Variants in PCBD2 observed in about 807,000 individuals in gnomAD.
PCBD2 encodes pterin-4 alpha-carbinolamine dehydratase 2.
Under a neutral mutation model 16.4 loss-of-function variants are expected in PCBD2, and 12 were observed. The observed-to-expected ratio is 0.73, with a 90% confidence interval of 0.47 to 1.19. PCBD2 has a LOEUF of 1.19. PCBD2 is among the 50% of genes most tolerant of loss of function. The pLI is 0.00. For synonymous variants in PCBD2, 58 were observed against 61.8 expected (o/e 0.94, Z 0.29); for missense variants, 138 against 156.8 (o/e 0.88, Z 0.64).
intron 1 of PCBD2, among the ~76,000 whole-genome samples, chr5:134,908,460 T>C (rs1750725518): frequency 6.6e-6 from 1 of 151,718 alleles, no homozygotes; most frequent in South Asian, 2.1e-4. Flanking sequence ...AGGTCAGGAG[T>C]TTGCAACTAG....
intron 3 of PCBD2, among the ~76,000 whole-genome samples, chr5:134,959,373 C>A (rs1266531869): frequency 6.6e-6 from 1 of 152,104 alleles, no homozygotes; most frequent in Non-Finnish European, 1.5e-5. Context: ...AAATGAGGCT[C>A]CTGAATTAAA....
chr5:134,924,203 TG>T (rs1561908993), intron 2 of PCBD2: 1 of 396,182 alleles, frequency 2.5e-6, no homozygotes, highest in Non-Finnish European at 4.5e-6. Flanking sequence ...CTCCTATTTA[TG>T]GGGGTTTAGT....
chr5:134,951,864 G>A (rs1385161197), intron 2 of PCBD2, among the ~76,000 whole-genome samples: 2 of 152,076 alleles, frequency 1.3e-5, no homozygotes, highest in African/African-American at 4.8e-5. Flanking sequence ...TGCTAAGGAA[G>A]TATATACTGC....
intron 2 of PCBD2, among the ~76,000 whole-genome samples, chr5:134,918,967 A>G (rs570736649): frequency 9.8e-5 from 15 of 152,360 alleles, no homozygotes; most frequent in Non-Finnish European, 1.5e-4. Flanking sequence ...GTAAAAGCGC[A>G]TGCAACAGAT....
At chr5:134,932,306 T>C (rs1211931908) in intron 2 of PCBD2, among the ~76,000 whole-genome samples, 3 of 151,106 alleles carry the variant, frequency 2.0e-5, no homozygotes, top group African/African-American at 7.3e-5. Context: ...GCCTCCTGAG[T>C]AGCTGGGACT....
At chr5:134,936,303 C>T (rs754046029) in intron 2 of PCBD2, among the ~76,000 whole-genome samples, 1 of 152,138 alleles carries the variant, frequency 6.6e-6, no homozygotes, top group Non-Finnish European at 1.5e-5. Flanking sequence ...TGCCCAGCCC[C>T]GGCCTCTCAC....
intron 2 of PCBD2, among the ~76,000 whole-genome samples, chr5:134,935,502 A>G (rs965101703): frequency 5.9e-5 from 9 of 152,224 alleles, no homozygotes; most frequent in Admixed American, 5.9e-4. Flanking sequence ...ACTTTCCAGC[A>G]TTTATGAATG....
At chr5:134,919,815 A>G (rs1478012799) in intron 2 of PCBD2, among the ~76,000 whole-genome samples, 2 of 152,186 alleles carry the variant, frequency 1.3e-5, no homozygotes, top group African/African-American at 4.8e-5. Context: ...TTTCGTTAGT[A>G]TGCCTGCCCA....
intron 2 of PCBD2, among the ~76,000 whole-genome samples, chr5:134,942,130 CAA>C (rs397882223): frequency 1.9e-4 from 16 of 82,278 alleles, no homozygotes; most frequent in Admixed American, 1.5e-4. Context: ...GGCTCTGTCT[CAA>C]AAAAAAAAAA....
intron 2 of PCBD2, among the ~76,000 whole-genome samples, chr5:134,917,913 A>G (rs1750852765): frequency 6.6e-6 from 1 of 152,216 alleles, no homozygotes; most frequent in Non-Finnish European, 1.5e-5. Context: ...GAGGAATTTG[A>G]TAATAGGCTT....
At chr5:134,937,959 T>C (rs370453678) in intron 2 of PCBD2, among the ~76,000 whole-genome samples, 35 of 152,330 alleles carry the variant, frequency 2.3e-4, no homozygotes, top group East Asian at 2.1e-3. Flanking sequence ...TTTCATTTCA[T>C]TGGGCTTGGA....
intron 2 of PCBD2, among the ~76,000 whole-genome samples, chr5:134,934,649 C>T (rs1751137841): frequency 6.6e-6 from 1 of 152,226 alleles, no homozygotes; most frequent in Admixed American, 6.5e-5. Flanking sequence ...TAACCTACAA[C>T]TGCAGAGTTA....
intron 2 of PCBD2, among the ~76,000 whole-genome samples, chr5:134,957,239 G>C (rs545726227): frequency 6.6e-6 from 1 of 151,938 alleles, no homozygotes; most frequent in South Asian, 2.1e-4. Flanking sequence ...AGCCTGGGCA[G>C]CAGAGTGAGA....
At chr5:134,911,807 T>C (rs1197740663) in intron 2 of PCBD2, among the ~76,000 whole-genome samples, 1 of 152,234 alleles carries the variant, frequency 6.6e-6, no homozygotes. Context: ...GCAGACTCCC[T>C]GTCCCCGCTG....
At chr5:134,906,671 G>A (rs1460422585) in intron 1 of PCBD2, among the ~76,000 whole-genome samples, 2 of 152,118 alleles carry the variant, frequency 1.3e-5, no homozygotes, top group Non-Finnish European at 2.9e-5. Context: ...TGATTTGAGC[G>A]CTGCCCCATG....
chr5:134,941,986 C>T lies in PCBD2; in HGVS notation c.217-17054C>T, dbSNP rs377264547. 3.2e-3 allele frequency among the ~76,000 whole-genome samples: 490 copies of T among 150,808 alleles called. 3 individuals carry two copies. The highest frequency in any genetic ancestry group is 0.01 in the African/African-American group (415 of 40,996). On this transcript the variant is annotated intron_variant, in intron 2 of 3. Coordinates refer to ENST00000254908, the MANE Select transcript of PCBD2 (RefSeq NM_032151.5). ...GTACCAAAAAAAAAAAAAAGTTAGC[C>T]GGGCGTGGTGGCGGGTGCCTGTAGT...
At chr5:134,939,485 G>A (rs984372604) in intron 2 of PCBD2, among the ~76,000 whole-genome samples, 4 of 152,108 alleles carry the variant, frequency 2.6e-5, no homozygotes, top group Non-Finnish European at 5.9e-5. Context: ...GAAGCAGTCA[G>A]GAGAAAGAAT....
intron 2 of PCBD2, among the ~76,000 whole-genome samples, chr5:134,943,290 T>A (rs1370465992): frequency 1.3e-5 from 2 of 152,190 alleles, no homozygotes; most frequent in Non-Finnish European, 2.9e-5. Context: ...CAGTGTGATC[T>A]GATTTTGAAG....
chr5:134,954,140 TTG>T (rs1751390000), intron 2 of PCBD2, among the ~76,000 whole-genome samples: 1 of 152,158 alleles, frequency 6.6e-6, no homozygotes, highest in Admixed American at 6.5e-5. Flanking sequence ...AAAATTTTTT[TTG>T]TAGAGATAGG....
Sources: gnomAD v4.1 joint callset for allele counts (sites outside exome capture counted in the v4.1 genomes callset) on GRCh38, gnomAD v4.1.1 for gene constraint, MANE v1.5 for transcripts, NCBI Gene and HGNC (gene_info 2026-07-23, HGNC 2026-07-21) for gene names.